Variants in ARHGAP44 observed in about 807,000 individuals in gnomAD.
The protein encoded by ARHGAP44 is rho GTPase-activating protein 44.
ARHGAP44 carries 43 observed loss-of-function variants against 106.8 expected under a neutral mutation model. The ratio of observed to expected loss-of-function variants is 0.40; its 90% confidence interval spans 0.32 to 0.52. The LOEUF (loss-of-function observed/expected upper bound fraction) is 0.52, where lower values mean the gene tolerates loss of function less well. ARHGAP44 is among the 20% of genes least tolerant of loss of function. The pLI, the probability that ARHGAP44 is intolerant of heterozygous loss-of-function variation, is 0.48. For missense variants in ARHGAP44, 866 were observed against 1,050.5 expected (o/e 0.82, Z 2.43); for synonymous variants, 439 against 410.3 (o/e 1.07, Z -0.85).
intron 7 of ARHGAP44, among the ~76,000 whole-genome samples, chr17:12,938,584 A>T (rs8079898): frequency 5.2e-4 from 70 of 133,758 alleles, no homozygotes; most frequent in Admixed American, 1.4e-3. Flanking sequence ...CTATATATTA[A>T]AAAAAAAAAA....
chr17:12,794,029 T>C (rs1243850184), intron 1 of ARHGAP44, among the ~76,000 whole-genome samples: 1 of 152,158 alleles, frequency 6.6e-6, no homozygotes, highest in Admixed American at 6.5e-5. Context: ...CAGCTGCACT[T>C]CTGGGCATTG....
chr17:12,884,639 G>T (rs753035461), intron 1 of ARHGAP44, among the ~76,000 whole-genome samples: 2 of 152,110 alleles, frequency 1.3e-5, no homozygotes, highest in Non-Finnish European at 2.9e-5. Flanking sequence ...ACGAATTACA[G>T]AACAATTCTG....
rs1006722887 is a variant in ARHGAP44 at position 12,955,753 on chromosome 17, A to C, written c.1137-114A>C. On this transcript the variant is annotated intron_variant, in intron 13 of 20. Coordinates refer to ENST00000379672, the MANE Select transcript of ARHGAP44 (RefSeq NM_014859.6). Reference sequence around the variant, plus strand: ...CGCATGTTCATTACATTGCAGGTGCACGAGTCTCCTAGTCAGTGAGATATG... The same window carrying C: ...CGCATGTTCATTACATTGCAGGTGCCCGAGTCTCCTAGTCAGTGAGATATG... 4 of 635,400 alleles carry C rather than the reference A, an allele frequency of 6.3e-6. No homozygotes were observed. In the African/African-American group the frequency reaches 7.4e-5, roughly 12 times the overall value. The allele number at this position is 635,400 out of a possible 1,614,324, so 39.4% of individuals were successfully genotyped here.
intron 16 of ARHGAP44, among the ~76,000 whole-genome samples, chr17:12,970,308 G>A (rs932912382): frequency 2.0e-5 from 3 of 147,484 alleles, no homozygotes; most frequent in Admixed American, 1.4e-4. Flanking sequence ...TGGGGCTGCA[G>A]TGAGCCATGA....
At chr17:12,907,959 A>AT (rs377218863) in intron 3 of ARHGAP44, among the ~76,000 whole-genome samples, 5,202 of 148,296 alleles carry the variant, frequency 0.035, 289 homozygotes, top group African/African-American at 0.12. Flanking sequence ...ACCAATCCTT[A>AT]TTTTTTTTTT....
intron 14 of ARHGAP44, 60 bp downstream of exon 14, chr17:12,956,040 G>A (rs2039118973): frequency 2.3e-6 from 3 of 1,312,306 alleles, no homozygotes; most frequent in South Asian, 2.4e-5. Context: ...GCCTGAGCAG[G>A]GTGGGCAGGA....
At chr17:12,873,501 G>A (rs36043979) in intron 1 of ARHGAP44, among the ~76,000 whole-genome samples, 20,622 of 152,230 alleles carry the variant, frequency 0.14, 1,761 homozygotes, top group East Asian at 0.28. Context: ...TCAAATAATT[G>A]CATTTTTACT....
At position 12,991,174 on chromosome 17, in the gene ARHGAP44, T is replaced by C. The variant is rs1399914090; in HGVS notation, c.*1003T>C. On this transcript the variant is annotated 3_prime_UTR_variant, in exon 21 of 21. Transcript: ENST00000379672. ...CTCATTTCCTTCTCATGAAGTCCCA[T>C]CTGGTCATGGGGACGAGGGCCGGGA... 1 of 152,580 alleles carries C rather than the reference T, an allele frequency of 6.6e-6. No individual in the cohort carries two copies. Among genetic ancestry groups the C allele is most frequent in the Admixed American group, 6.5e-5 (1 of 15,278 alleles). 9.5% of individuals were successfully genotyped at this position (152,580 alleles called of 1,614,324 possible). A position where few individuals can be genotyped will look rare whatever the true frequency, so the allele number is the denominator to read the frequency against.
At chr17:12,940,344 A>G (rs1260466460) in intron 7 of ARHGAP44, among the ~76,000 whole-genome samples, 1 of 152,236 alleles carries the variant, frequency 6.6e-6, no homozygotes, top group African/African-American at 2.4e-5. Context: ...ATGTACTTCT[A>G]TTATGCCAGG....
chr17:12,805,259 G>T (rs1012201787), intron 1 of ARHGAP44, among the ~76,000 whole-genome samples: 39 of 152,228 alleles, frequency 2.6e-4, no homozygotes, highest in African/African-American at 8.7e-4. Flanking sequence ...CTGTTTTCCT[G>T]ACTCTACTAG....
At chr17:12,959,168 T>G (rs2039199907) in intron 16 of ARHGAP44, 1 of 413,318 alleles carries the variant, frequency 2.4e-6, no homozygotes, top group Non-Finnish European at 4.4e-6. Flanking sequence ...AAGTAGTCAC[T>G]GAGTGCAATT....
intron 1 of ARHGAP44, among the ~76,000 whole-genome samples, chr17:12,870,690 G>T (rs1414412524): frequency 6.6e-6 from 1 of 152,012 alleles, no homozygotes; most frequent in African/African-American, 2.4e-5. Context: ...TACATAATAG[G>T]TTTATACTGC....
intron 1 of ARHGAP44, among the ~76,000 whole-genome samples, chr17:12,849,898 G>A (rs917518152): frequency 4.6e-5 from 7 of 152,040 alleles, no homozygotes; most frequent in African/African-American, 1.7e-4. Flanking sequence ...TCGAGTGAGC[G>A]ATTCTGTGAT....
intron 1 of ARHGAP44, among the ~76,000 whole-genome samples, chr17:12,830,345 T>C (rs904528348): frequency 1.3e-5 from 2 of 152,166 alleles, no homozygotes; most frequent in African/African-American, 4.8e-5. Context: ...TTTTTTTTTC[T>C]TCCTGGTTCT....
rs79977836 is a variant in ARHGAP44, at chr17:12,856,438, A to G, written c.54-38502A>G. 3.5e-3 allele frequency among the ~76,000 whole-genome samples: 538 copies of G among 152,310 alleles called. 19 individuals carry two copies. In the South Asian group the frequency reaches 0.059, roughly 17 times the overall value. On this transcript the variant is annotated intron_variant, in intron 1 of 20. Transcript: ENST00000379672. ...CTTCCCTACAGGTAGGCTTAGAGCA[A>G]TAATTTTCTACTATTTTTTAAAAGC...
intron 1 of ARHGAP44, among the ~76,000 whole-genome samples, chr17:12,881,445 C>T (rs900185271): frequency 6.6e-6 from 1 of 152,028 alleles, no homozygotes; most frequent in Non-Finnish European, 1.5e-5. Context: ...TTCCTCTCCC[C>T]CAATCTTAGA....
At chr17:12,807,856 G>A (rs1260876276) in intron 1 of ARHGAP44, among the ~76,000 whole-genome samples, 1 of 152,128 alleles carries the variant, frequency 6.6e-6, no homozygotes, top group Non-Finnish European at 1.5e-5. Context: ...ACAGTCTAAA[G>A]TCTCATCTGA....
chr17:12,855,855 CAG>C (rs72137798), intron 1 of ARHGAP44, among the ~76,000 whole-genome samples: 2,922 of 152,256 alleles, frequency 0.019, 88 homozygotes, highest in African/African-American at 0.066. Context: ...ATAACAGAGA[CAG>C]TGTGGATATA....
chr17:12,843,228 C>G (rs1406762317), intron 1 of ARHGAP44, among the ~76,000 whole-genome samples: 1 of 152,122 alleles, frequency 6.6e-6, no homozygotes, highest in East Asian at 1.9e-4. Context: ...CTTTCTAATG[C>G]TAAACCTTCT....
Sources: allele counts gnomAD v4.1 joint callset (sites outside exome capture counted in the v4.1 genomes callset), GRCh38; gene constraint gnomAD v4.1.1; transcripts MANE v1.5; gene names NCBI Gene and HGNC (gene_info 2026-07-23, HGNC 2026-07-21).